Variants in NALF1 observed in about 807,000 individuals in gnomAD.
The protein encoded by NALF1 is family with sequence similarity 155 member A.
A neutral mutation model predicts 48.4 loss-of-function variants in NALF1; 3 were observed. The ratio of observed to expected loss-of-function variants is 0.06; its 90% CI spans 0.03 to 0.16. The LOEUF is 0.16. Ranked by LOEUF, NALF1 falls within the 10% of genes least tolerant of loss-of-function variation. The pLI is 1.00. For missense variants in NALF1, 526 were observed against 571.5 expected (o/e 0.92, Z 0.81); for synonymous variants, 262 against 245.7 (o/e 1.07, Z -0.62).
intron 1 of NALF1, among the ~76,000 whole-genome samples, chr13:107,397,696 T>C (rs1288977074): frequency 1.3e-5 from 2 of 152,108 alleles, no homozygotes; most frequent in Non-Finnish European, 1.5e-5. Context: ...TTGCTCCACA[T>C]TTGTCAAGTA....
intron 1 of NALF1, among the ~76,000 whole-genome samples, chr13:107,293,639 T>C (rs1158531450): frequency 6.6e-6 from 1 of 152,220 alleles, no homozygotes; most frequent in Admixed American, 6.5e-5. Context: ...GGCCATTTCA[T>C]AGGCAAGCTT....
intron 1 of NALF1, among the ~76,000 whole-genome samples, chr13:107,802,942 T>C (rs1046399218): frequency 2.0e-5 from 3 of 152,232 alleles, no homozygotes; most frequent in African/African-American, 2.4e-5. Flanking sequence ...GGTTATTCGA[T>C]GACCAGTAAA....
intron 1 of NALF1, among the ~76,000 whole-genome samples, chr13:107,381,739 ACT>A (rs1210645797): frequency 5.3e-5 from 8 of 151,774 alleles, no homozygotes; most frequent in Non-Finnish European, 1.2e-4. Context: ...AGGTGACTCG[ACT>A]CTTGCTTGTG....
In NALF1 at chr13:107,214,436, T is replaced by A. The variant is rs1417707327; in HGVS notation, c.916-3681A>T. On this transcript the variant is annotated intron_variant, in intron 1 of 2. Coordinates refer to ENST00000375915, the MANE Select transcript of NALF1 (RefSeq NM_001080396.3). Reference sequence around the variant, plus strand: ...ATTAGGTAAATTGCTTTTCTATGTGTCACTGCAGAGTATAAATAATTATAT... The same window carrying A: ...ATTAGGTAAATTGCTTTTCTATGTGACACTGCAGAGTATAAATAATTATAT... Among the ~76,000 whole-genome samples the A allele has an allele frequency of 2.0e-5, 3 of 152,304 alleles. No homozygotes were observed. The East Asian group carries it at 5.8e-4, about 29-fold the overall frequency.
chr13:107,604,308 T>G (rs940836417), intron 1 of NALF1, among the ~76,000 whole-genome samples: 2 of 152,178 alleles, frequency 1.3e-5, no homozygotes, highest in African/African-American at 4.8e-5. Context: ...CAAATAATTA[T>G]TTTGTCTTTT....
intron 1 of NALF1, among the ~76,000 whole-genome samples, chr13:107,380,867 A>G (rs373131430): frequency 1.3e-5 from 2 of 149,950 alleles, no homozygotes; most frequent in South Asian, 4.2e-4. Context: ...AGTACCAGCT[A>G]CTCGGGAGGC....
chr13:107,396,432 G>A (rs1004367346), intron 1 of NALF1, among the ~76,000 whole-genome samples: 1 of 152,124 alleles, frequency 6.6e-6, no homozygotes, highest in Non-Finnish European at 1.5e-5. Context: ...GCTCTAATAG[G>A]CACAGCTGTG....
intron 1 of NALF1, among the ~76,000 whole-genome samples, chr13:107,311,290 T>G (rs1306177510): frequency 6.6e-6 from 1 of 152,132 alleles, no homozygotes; most frequent in Non-Finnish European, 1.5e-5. Flanking sequence ...GATAAACATA[T>G]TTACCATTAA....
intron 1 of NALF1, among the ~76,000 whole-genome samples, chr13:107,219,488 G>C (rs1239897382): frequency 2.0e-5 from 3 of 152,192 alleles, no homozygotes; most frequent in African/African-American, 7.2e-5. Context: ...ATGGAATTGA[G>C]TCTTAAATAA....
chr13:107,395,971 C>T (rs907837925), intron 1 of NALF1, among the ~76,000 whole-genome samples: 6 of 152,114 alleles, frequency 3.9e-5, no homozygotes, highest in African/African-American at 1.4e-4. Context: ...AGGATTTTGT[C>T]TTAGCTCAGG....
At chr13:107,411,300 T>TG (rs1217370498) in intron 1 of NALF1, among the ~76,000 whole-genome samples, 1 of 91,054 alleles carries the variant, frequency 1.1e-5, no homozygotes, top group Non-Finnish European at 2.4e-5. Context: ...TGTAGAATCT[T>TG]GTTTTTTTTT....
At chr13:107,343,881 C>A (rs1254689249) in intron 1 of NALF1, among the ~76,000 whole-genome samples, 2 of 150,358 alleles carry the variant, frequency 1.3e-5, no homozygotes. Flanking sequence ...AAGTAGAGAA[C>A]AGAAAAACAA....
intron 1 of NALF1, among the ~76,000 whole-genome samples, chr13:107,760,459 C>T (rs1014369885): frequency 9.9e-5 from 15 of 152,108 alleles, no homozygotes; most frequent in Non-Finnish European, 1.8e-4. Context: ...ACCGAACTTC[C>T]CCCTTCCACT....
At chr13:107,413,235 T>C (rs1884023214) in intron 1 of NALF1, among the ~76,000 whole-genome samples, 1 of 152,158 alleles carries the variant, frequency 6.6e-6, no homozygotes. Flanking sequence ...TGTACTAATA[T>C]AATATTTTAG....
intron 1 of NALF1, among the ~76,000 whole-genome samples, chr13:107,232,714 CAG>C (rs1480809254): frequency 6.6e-6 from 1 of 152,178 alleles, no homozygotes; most frequent in Non-Finnish European, 1.5e-5. Flanking sequence ...GACTCAGAAA[CAG>C]GGAGCTAAAA....
At chr13:107,200,208 C>T (rs913081312) in intron 2 of NALF1, among the ~76,000 whole-genome samples, 6 of 152,176 alleles carry the variant, frequency 3.9e-5, no homozygotes, top group African/African-American at 1.2e-4. Context: ...TAAACTCCCC[C>T]TTGGGGGTCA....
chr13:107,556,809 C>CT (rs1594127748), intron 1 of NALF1, among the ~76,000 whole-genome samples: 5 of 152,126 alleles, frequency 3.3e-5, no homozygotes, highest in South Asian at 4.1e-4. Flanking sequence ...ATAGGCTCTG[C>CT]TTATCTGTCA....
chr13:107,289,554 C>T (rs1313763349), intron 1 of NALF1, among the ~76,000 whole-genome samples: 1 of 152,284 alleles, frequency 6.6e-6, no homozygotes, highest in East Asian at 1.9e-4. Flanking sequence ...TCTACACACA[C>T]ATACATACAG....
chr13:107,291,193 G>A (rs759568143), intron 1 of NALF1, among the ~76,000 whole-genome samples: 1 of 151,696 alleles, frequency 6.6e-6, no homozygotes, highest in Non-Finnish European at 1.5e-5. Context: ...CTTTATTCTG[G>A]AAGTTGATTC....
Sources: gnomAD v4.1 joint callset for allele counts (sites outside exome capture counted in the v4.1 genomes callset) on GRCh38, gnomAD v4.1.1 for gene constraint, MANE v1.5 for transcripts, NCBI Gene and HGNC (gene_info 2026-07-23, HGNC 2026-07-21) for gene names.